Variants in CACNA1C observed in about 807,000 individuals in gnomAD.
CACNA1C encodes the protein voltage-dependent L-type calcium channel subunit alpha-1C.
Under a neutral mutation model 229.0 loss-of-function variants are expected in CACNA1C, and 30 were observed. That is an observed-to-expected ratio of 0.13 (90% CI 0.10 to 0.18). The LOEUF (loss-of-function observed/expected upper bound fraction) is 0.18. Among genes scored for constraint, CACNA1C ranks in the 10% least tolerant of loss-of-function variants. The probability of loss-of-function intolerance (pLI) is 1.00; values close to 1 mark genes in which losing one functional copy is unlikely to be tolerated. For missense variants in CACNA1C, 1,658 were observed against 2,845.0 expected, an observed-to-expected ratio of 0.58 and a Z score of 9.49; for synonymous variants, 1,114 against 1,132.5, an observed-to-expected ratio of 0.98 and a Z score of 0.33.
rs536851762 is a variant in CACNA1C at position 2,249,292 on chromosome 12, A to G, written c.477+128862A>G. On this transcript the variant is annotated intron_variant, in intron 3 of 46. Transcript: ENST00000399655. ...GAGTTGGTGAACTGGCGAACAGGCCACATCCGGCCTGCCATCTGCTTTTGT... is the reference window on the plus strand; with the variant it reads ...GAGTTGGTGAACTGGCGAACAGGCCGCATCCGGCCTGCCATCTGCTTTTGT... Among the ~76,000 whole-genome samples, 201 of 152,314 alleles carry G rather than the reference A, an allele frequency of 1.3e-3. 1 individual carries two copies. The highest frequency in any genetic ancestry group is 3.9e-3 in the Admixed American group (59 of 15,294).
chr12:2,592,004 A>T (rs1159887529), intron 18 of CACNA1C, among the ~76,000 whole-genome samples: 2 of 152,180 alleles, frequency 1.3e-5, no homozygotes, highest in Non-Finnish European at 2.9e-5. Flanking sequence ...GGCCCATCCT[A>T]GCGCAGAATA....
intron 29 of CACNA1C, among the ~76,000 whole-genome samples, chr12:2,631,184 A>G (rs1326394105): frequency 6.6e-6 from 1 of 152,118 alleles, no homozygotes; most frequent in Non-Finnish European, 1.5e-5. Context: ...ACCAAGGCCA[A>G]CTTACCCATT....
intron 1 of CACNA1C, among the ~76,000 whole-genome samples, chr12:1,988,214 T>C (rs1451029596): frequency 6.6e-6 from 1 of 152,236 alleles, no homozygotes; most frequent in African/African-American, 2.4e-5. Flanking sequence ...TACGTGTCCA[T>C]CATGGGTCAT....
At chr12:2,111,557 A>G (rs1239056268) in intron 1 of CACNA1C, among the ~76,000 whole-genome samples, 2 of 150,114 alleles carry the variant, frequency 1.3e-5, no homozygotes, top group African/African-American at 2.5e-5. Context: ...GTCTGGGGAC[A>G]GCCGTCTCAG....
intron 1 of CACNA1C, among the ~76,000 whole-genome samples, chr12:1,987,283 T>C (rs1474145599): frequency 1.3e-5 from 2 of 152,206 alleles, no homozygotes; most frequent in African/African-American, 4.8e-5. Context: ...CATATGTACA[T>C]CATTATAATA....
At chr12:2,615,886 G>T (rs751224036) in intron 29 of CACNA1C, among the ~76,000 whole-genome samples, 25 of 152,214 alleles carry the variant, frequency 1.6e-4, no homozygotes, top group Non-Finnish European at 3.7e-4. Flanking sequence ...CTCCTCAGTG[G>T]AATGTGGTAT....
chr12:2,038,800 G>GT (rs1393769449), intron 1 of CACNA1C, among the ~76,000 whole-genome samples: 2 of 151,844 alleles, frequency 1.3e-5, no homozygotes, highest in African/African-American at 2.4e-5. Context: ...TTGACCTGAT[G>GT]TTTTTTTCCC....
chr12:2,685,647 G>C, intron 43 of CACNA1C, 89 bp from the exon 44 acceptor site: 1 of 942,080 alleles, frequency 1.1e-6, no homozygotes, highest in Admixed American at 1.9e-5. Context: ...CTAAGGATCA[G>C]AGCAAAGTGC....
At chr12:2,620,193 C>G (rs2082535154) in intron 29 of CACNA1C, among the ~76,000 whole-genome samples, 1 of 152,176 alleles carries the variant, frequency 6.6e-6, no homozygotes. Flanking sequence ...AGGCTAAGTC[C>G]AGAGCTGGCT....
rs374458093 is a variant in CACNA1C, at chr12:2,206,925, C to T, written c.477+86495C>T. 9.9e-5 allele frequency among the ~76,000 whole-genome samples: 15 copies of T among 152,260 alleles called. No homozygotes were observed. The South Asian group carries it at 2.9e-3, about 30-fold the overall frequency. On this transcript the variant is annotated intron_variant, in intron 3 of 46. Transcript: ENST00000399655. ...ATTTTAATAAAATGATTTTAAGCTG[C>T]TGTTTATATAGGAAATTATATTTAC...
intron 3 of CACNA1C, among the ~76,000 whole-genome samples, chr12:2,263,249 G>A (rs997452062): frequency 7.9e-5 from 12 of 151,850 alleles, no homozygotes; most frequent in Admixed American, 7.2e-4. Flanking sequence ...GGGAGCAGGA[G>A]GGCCAGGTGC....
intron 13 of CACNA1C, among the ~76,000 whole-genome samples, chr12:2,572,484 CCT>C (rs2055887457): frequency 6.3e-5 from 1 of 15,834 alleles, no homozygotes; most frequent in Non-Finnish European, 1.7e-4. Flanking sequence ...TTCTCCTCTT[CCT>C]CCTCCTCCTC....
intron 4 of CACNA1C, among the ~76,000 whole-genome samples, chr12:2,450,507 T>C (rs2099356639): frequency 8.3e-6 from 1 of 120,286 alleles, no homozygotes; most frequent in African/African-American, 3.3e-5. Context: ...TGAGCCGAGA[T>C]CATGCCACTG....
At chr12:2,635,771 T>C (rs934684227) in intron 30 of CACNA1C, among the ~76,000 whole-genome samples, 1 of 152,124 alleles carries the variant, frequency 6.6e-6, no homozygotes, top group Non-Finnish European at 1.5e-5. Flanking sequence ...TCCCTGTGTC[T>C]CTGAGAACTG....
intron 13 of CACNA1C, among the ~76,000 whole-genome samples, chr12:2,581,148 A>T (rs964687603): frequency 2.6e-5 from 4 of 152,188 alleles, no homozygotes; most frequent in Admixed American, 1.3e-4. Context: ...GACAACAATG[A>T]TTACCAACCT....
At chr12:2,673,837 G>A (rs546855151) in intron 38 of CACNA1C, among the ~76,000 whole-genome samples, 1 of 152,306 alleles carries the variant, frequency 6.6e-6, no homozygotes, top group South Asian at 2.1e-4. Flanking sequence ...TAGGTGCCGT[G>A]TGCCATATAA....
intron 10 of CACNA1C, among the ~76,000 whole-genome samples, chr12:2,552,811 C>G (rs542900237): frequency 8.4e-4 from 128 of 152,214 alleles, no homozygotes; most frequent in African/African-American, 3.0e-3. Context: ...AGTGCTCACT[C>G]AGGCAGTGAG....
At chr12:2,417,470 G>C (rs538012015) in intron 3 of CACNA1C, among the ~76,000 whole-genome samples, 1 of 152,172 alleles carries the variant, frequency 6.6e-6, no homozygotes, top group South Asian at 2.1e-4. Flanking sequence ...TTGTCTCTGG[G>C]GATAGGGCCC....
At chr12:1,981,597 C>T (rs1019596344) in intron 1 of CACNA1C, among the ~76,000 whole-genome samples, 1 of 152,132 alleles carries the variant, frequency 6.6e-6, no homozygotes, top group African/African-American at 2.4e-5. Context: ...GTCTTTCGTG[C>T]TAGGATGGTA....
Sources: allele counts gnomAD v4.1 joint callset (sites outside exome capture counted in the v4.1 genomes callset), GRCh38; gene constraint gnomAD v4.1.1; transcripts MANE v1.5; gene names NCBI Gene and HGNC (gene_info 2026-07-23, HGNC 2026-07-21).